Variants in MDFIC2 observed in about 807,000 individuals in gnomAD.
MDFIC2 encodes the protein myoD family inhibitor domain-containing protein 2.
At chr3:70,261,925 CG>C (rs1489343921) in intron 2 of MDFIC2, among the ~76,000 whole-genome samples, 1 of 152,090 alleles carries the variant, frequency 6.6e-6, no homozygotes, top group Non-Finnish European at 1.5e-5. Context: ...TTACCATAAA[CG>C]GCCAAGTTTA....
intron 2 of MDFIC2, among the ~76,000 whole-genome samples, chr3:70,229,682 G>A (rs189540091): frequency 1.4e-4 from 21 of 152,208 alleles, no homozygotes; most frequent in Admixed American, 8.5e-4. Flanking sequence ...ACTCTGATGA[G>A]CCCCTAAAAA....
intron 2 of MDFIC2, among the ~76,000 whole-genome samples, chr3:70,263,299 CT>C (rs1446462098): frequency 6.6e-6 from 1 of 151,922 alleles, no homozygotes; most frequent in Non-Finnish European, 1.5e-5. Context: ...AAAAAATATT[CT>C]TTTAAGTGTA....
At chr3:70,304,492 TTC>T (rs1188082324) in intron 2 of MDFIC2, among the ~76,000 whole-genome samples, 1 of 152,158 alleles carries the variant, frequency 6.6e-6, no homozygotes, top group East Asian at 1.9e-4. Flanking sequence ...TCTAGCCAAT[TTC>T]TCTCTCTCAC....
intron 2 of MDFIC2, among the ~76,000 whole-genome samples, chr3:70,263,819 A>C (rs1244654609): frequency 1.3e-5 from 2 of 152,018 alleles, no homozygotes; most frequent in African/African-American, 2.4e-5. Flanking sequence ...ATCACAGTCC[A>C]GAAATTACTC....
chr3:70,254,603 A>G (rs1701797294), intron 2 of MDFIC2, among the ~76,000 whole-genome samples: 1 of 152,214 alleles, frequency 6.6e-6, no homozygotes, highest in Admixed American at 6.5e-5. Flanking sequence ...TTAGCAAACC[A>G]AAAGTGGAAA....
intron 2 of MDFIC2, among the ~76,000 whole-genome samples, chr3:70,210,679 T>G (rs1701334366): frequency 6.6e-6 from 1 of 152,144 alleles, no homozygotes; most frequent in East Asian, 1.9e-4. Flanking sequence ...ATATTTGGGA[T>G]GTTATTCATA....
At chr3:70,301,372 G>T (rs6549333) in intron 2 of MDFIC2, among the ~76,000 whole-genome samples, 31,543 of 151,952 alleles carry the variant, frequency 0.21, 3,463 homozygotes, top group South Asian at 0.28. Flanking sequence ...GTTTTTGCAT[G>T]TTCTATTATA....
chr3:70,259,071 G>T (rs1045681055), intron 2 of MDFIC2, among the ~76,000 whole-genome samples: 16 of 152,120 alleles, frequency 1.1e-4, no homozygotes, highest in Non-Finnish European at 2.2e-4. Context: ...AGGTCAGTTT[G>T]CTCATTGAAA....
At chr3:70,228,011 A>G (rs1316670279) in intron 2 of MDFIC2, among the ~76,000 whole-genome samples, 1 of 151,336 alleles carries the variant, frequency 6.6e-6, no homozygotes, top group Non-Finnish European at 1.5e-5. Context: ...ATAGTAGTAT[A>G]ATAGTAATAT....
intron 2 of MDFIC2, among the ~76,000 whole-genome samples, chr3:70,296,697 GT>G (rs1702292485): frequency 1.3e-5 from 2 of 151,998 alleles, no homozygotes; most frequent in South Asian, 4.1e-4. Context: ...CTTTCAACAA[GT>G]TCTTAAAACT....
At chr3:70,276,387 G>T (rs1005405507) in intron 2 of MDFIC2, among the ~76,000 whole-genome samples, 5 of 151,990 alleles carry the variant, frequency 3.3e-5, no homozygotes, top group African/African-American at 1.2e-4. Context: ...TAATTCTATT[G>T]TCTTGTGATT....
At chr3:70,300,781 A>G (rs1221652520) in intron 2 of MDFIC2, among the ~76,000 whole-genome samples, 3 of 152,100 alleles carry the variant, frequency 2.0e-5, no homozygotes, top group African/African-American at 7.2e-5. Flanking sequence ...TTCAGTGGCC[A>G]GTGAGTTGCT....
chr3:70,280,688 C>G (rs1049867268), intron 2 of MDFIC2, among the ~76,000 whole-genome samples: 2 of 152,142 alleles, frequency 1.3e-5, no homozygotes, highest in Admixed American at 6.5e-5. Flanking sequence ...ACCTCTTCCC[C>G]AAGGCAGGTC....
At chr3:70,287,566 G>A (rs962858912) in intron 2 of MDFIC2, among the ~76,000 whole-genome samples, 10 of 151,976 alleles carry the variant, frequency 6.6e-5, no homozygotes, top group Non-Finnish European at 1.5e-4. Flanking sequence ...AATGATGCTG[G>A]CCTCATAAAA....
intron 2 of MDFIC2, among the ~76,000 whole-genome samples, chr3:70,298,767 T>G (rs1702316603): frequency 6.6e-6 from 1 of 152,162 alleles, no homozygotes; most frequent in Non-Finnish European, 1.5e-5. Context: ...GTTAGCCATC[T>G]TCAAGTAGAT....
Position 70,199,881 on chromosome 3 carries a change from C to T in MDFIC2, c.311-2696G>A, listed in dbSNP as rs1405789208. On this transcript the variant is annotated intron_variant, in intron 3 of 3. Transcript: ENST00000567252. Reference sequence around the variant, plus strand: ...ATATATGCTATTGCCTGCTGCACGTCTCTTCTGCAACGTCTTCAAAACATC... The same window carrying T: ...ATATATGCTATTGCCTGCTGCACGTTTCTTCTGCAACGTCTTCAAAACATC... Among the ~76,000 whole-genome samples the T allele has an allele frequency of 2.0e-5, 3 of 152,184 alleles. No homozygotes were observed. In the East Asian group the frequency reaches 5.8e-4, roughly 29 times the overall value.
At chr3:70,245,713 A>G (rs1701700877) in intron 2 of MDFIC2, among the ~76,000 whole-genome samples, 1 of 138,126 alleles carries the variant, frequency 7.2e-6, no homozygotes, top group Non-Finnish European at 1.6e-5. Context: ...ATATATATAT[A>G]TACACATTCA....
chr3:70,221,814 G>A (rs1576160360), intron 2 of MDFIC2, among the ~76,000 whole-genome samples: 1 of 151,964 alleles, frequency 6.6e-6, no homozygotes, highest in Admixed American at 6.6e-5. Context: ...CCATTTACAG[G>A]ACATTGCTAA....
rs936746509 is a variant in MDFIC2, at chr3:70,194,708, G to A, written c.*2218C>T. On this transcript the variant is annotated 3_prime_UTR_variant, in exon 4 of 4. Coordinates refer to ENST00000567252, the MANE Select transcript of MDFIC2 (RefSeq NM_001364677.1). ...ATTGACAAGCATTCAATTCACATTT[G>A]AAATGCACAATCTTTGCATAATTTG... Among the ~76,000 whole-genome samples, 2 of 152,144 alleles carry A rather than the reference G, an allele frequency of 1.3e-5. No individual in the cohort carries two copies. Among genetic ancestry groups the A allele is most frequent in the African/African-American group, 4.8e-5 (2 of 41,418 alleles).
Sources: gnomAD v4.1 joint callset for allele counts (sites outside exome capture counted in the v4.1 genomes callset) on GRCh38, gnomAD v4.1.1 for gene constraint, MANE v1.5 for transcripts, NCBI Gene and HGNC (gene_info 2026-07-23, HGNC 2026-07-21) for gene names.